RNF213: variants seen among roughly 807,000 people sequenced by gnomAD.
RNF213 encodes the protein ring finger protein 213, also known as E3 ubiquitin-protein ligase RNF213.
In RNF213, 341 loss-of-function variants were observed where a neutral mutation model predicts 514.4. The ratio of observed to expected loss-of-function variants is 0.66; its 90% CI spans 0.61 to 0.73. RNF213 has a LOEUF of 0.73. Ranked by LOEUF, RNF213 falls within the 30% of genes least tolerant of loss-of-function variation. The pLI is 0.00. For missense variants in RNF213, 5,767 were observed against 6,615.6 expected, an observed-to-expected ratio of 0.87 and a Z score of 4.45; for synonymous variants, 2,655 against 2,658.2, an observed-to-expected ratio of 1.00 and a Z score of 0.04.
At position 80,350,304 on chromosome 17, in the gene RNF213, C is replaced by T; in HGVS notation, c.10092C>T (p.Asn3364=). 6.3e-7 allele frequency: 1 copy of T among 1,589,862 alleles called. No homozygotes were observed. The highest frequency in any genetic ancestry group is 8.6e-7 in the Non-Finnish European group (1 of 1,157,962). The change falls in exon 31 of 68, where the codon AAC becomes AAT. Residue 3364 remains asparagine (N), a synonymous_variant. Coordinates refer to ENST00000582970, the MANE Select transcript of RNF213 (RefSeq NM_001256071.3). ...AATAACTTCCCTTTTCTTTCAGAAA[C>T]TGTTTAACGAATACAGCCAAATGTA... is the stretch of plus-strand genomic sequence containing the variant. The part of the protein sequence containing the change: ...TEYSFLKEVR[N]CLTNTAKCKI...
chr17:80,270,334 C>A (rs2043778311), intron 2 of RNF213, among the ~76,000 whole-genome samples: 1 of 152,230 alleles, frequency 6.6e-6, no homozygotes, highest in Non-Finnish European at 1.5e-5. Flanking sequence ...GCACGGAGAC[C>A]TTGCCCTCTG....
At chr17:80,323,152 C>T (rs1383167075) in intron 17 of RNF213, among the ~76,000 whole-genome samples, 1 of 152,100 alleles carries the variant, frequency 6.6e-6, no homozygotes. Context: ...CTCTACATTC[C>T]CTGTTGAGTG....
intron 3 of RNF213, among the ~76,000 whole-genome samples, chr17:80,285,024 G>A (rs534246369): frequency 6.0e-4 from 92 of 152,314 alleles, no homozygotes; most frequent in African/African-American, 2.1e-3. Flanking sequence ...CGATAACAGG[G>A]AGAGCCAAGG....
chr17:80,275,194 G>A (rs1016512732), intron 3 of RNF213, among the ~76,000 whole-genome samples: 2 of 151,140 alleles, frequency 1.3e-5, no homozygotes. Context: ...GTTGGGGTGT[G>A]TGGGAGTGGG....
intron 21 of RNF213, among the ~76,000 whole-genome samples, chr17:80,333,481 G>T (rs1420819862): frequency 6.6e-6 from 1 of 151,534 alleles, no homozygotes; most frequent in Non-Finnish European, 1.5e-5. Context: ...ATCACCTGAG[G>T]TGAGGAGTTC....
chr17:80,389,352 G>C lies in RNF213; in HGVS notation c.15180G>C (p.Thr5060=), dbSNP rs147617069. ...TQDILQMGDQ[T]IHVLKALNRC... Reference sequence around the variant, plus strand: ...ACATCCTGCAAATGGGTGATCAGACGATTCACGTGTTAAAGGTGGGTCTCA... The same window carrying C: ...ACATCCTGCAAATGGGTGATCAGACCATTCACGTGTTAAAGGTGGGTCTCA... The change falls in exon 65 of 68, where the codon ACG becomes ACC. Residue 5060 remains threonine (T), a synonymous_variant. Coordinates refer to ENST00000582970, the MANE Select transcript of RNF213 (RefSeq NM_001256071.3). The C allele has an allele frequency of 6.2e-7, 1 of 1,614,086 alleles. No homozygotes were observed. Among genetic ancestry groups the C allele is most frequent in the Non-Finnish European group, 8.5e-7 (1 of 1,179,984 alleles).
intron 2 of RNF213, among the ~76,000 whole-genome samples, chr17:80,269,744 C>T (rs2043755471): frequency 6.6e-6 from 1 of 151,938 alleles, no homozygotes. Context: ...ATCTATCCAT[C>T]CCATCTTATC....
At chr17:80,371,006 T>C (rs907747472) in intron 46 of RNF213, among the ~76,000 whole-genome samples, 8 of 112,086 alleles carry the variant, frequency 7.1e-5, no homozygotes, top group Admixed American at 1.6e-4. Flanking sequence ...TTAATGAATA[T>C]GGATTTTTTT....
At chr17:80,330,293 T>C (rs2143953689) in intron 20 of RNF213, among the ~76,000 whole-genome samples, 1 of 152,374 alleles carries the variant, frequency 6.6e-6, no homozygotes, top group Non-Finnish European at 1.5e-5. Flanking sequence ...TGTTTTGATT[T>C]TCCTCCTATG....
rs528667689 is a variant in RNF213, at chr17:80,353,981, G to A, written c.10579-38G>A. On this transcript the variant is annotated intron_variant, in intron 34 of 67. Coordinates refer to ENST00000582970, the MANE Select transcript of RNF213 (RefSeq NM_001256071.3). The surrounding 1 kb of genome is among the most constrained non-coding windows in gnomAD (Gnocchi z 5.0). ...GGTTTGGCTTTTGCCCACTGTGTCA[G>A]TGGCAGAAACGGATGACCCAACCGT... The A allele has an allele frequency of 1.9e-6, 3 of 1,613,140 alleles. No individual in the cohort carries two copies. The Admixed American group carries it at 5.0e-5, about 27-fold the overall frequency.
Position 80,327,973 on chromosome 17 carries a change from T to G in RNF213, c.3351T>G (p.Leu1117=). 1 of 1,537,278 alleles carries G rather than the reference T, an allele frequency of 6.5e-7. No individual in the cohort carries two copies. Among genetic ancestry groups the G allele is most frequent in the Non-Finnish European group, 8.7e-7 (1 of 1,146,908 alleles). The change falls in exon 19 of 68, where the codon CTT becomes CTG. Residue 1117 remains leucine (L), a synonymous_variant. Coordinates refer to ENST00000582970, the MANE Select transcript of RNF213 (RefSeq NM_001256071.3). ...ELIIKHKNQF[L]DIWQLREKSL... ...TTATAAAGCACAAGAATCAGTTTCT[T>G]GACATCTGGCAACTGAGTAAGCATC...
intron 15 of RNF213, among the ~76,000 whole-genome samples, chr17:80,313,714 AGGTGGT>A (rs1380146397): frequency 1.4e-4 from 6 of 42,956 alleles, no homozygotes; most frequent in African/African-American, 3.4e-4. Flanking sequence ...GTGGTGATGG[AGGTGGT>A]GGTGGTGGAG....
Position 80,298,362 on chromosome 17 carries a change from A to G in RNF213, c.2054A>G (p.Asp685Gly). 6.2e-7 allele frequency: 1 copy of G among 1,614,070 alleles called. No individual in the cohort carries two copies. Among genetic ancestry groups the G allele is most frequent in the Non-Finnish European group, 8.5e-7 (1 of 1,180,016 alleles). ...GTGAACCTGTGCCAAAGATGCATGG[A>G]CACAAGGACGTACACCTGGCTGGGC... is the stretch of plus-strand genomic sequence containing the variant. ...YLVNLCQRCM[D>G]TRTYTWLGAL... Residue 685 changes from aspartate to glycine, a missense_variant, in exon 11 of 68, where the codon GAC (aspartate) becomes GGC (glycine). This residue lies in a region of RNF213 where 592 missense variants were observed against 673.9 expected (regional missense o/e 0.88). Coordinates refer to ENST00000582970, the MANE Select transcript of RNF213 (RefSeq NM_001256071.3).
Position 80,342,989 on chromosome 17 carries a change from G to A in RNF213, c.5990-143G>A, listed in dbSNP as rs1388561909. ...CCTGGCTAATTTTTTTGTATTTTTA[G>A]TAGGGACGGGATTTCACCACGTTGA... On this transcript the variant is annotated intron_variant, in intron 26 of 67. Transcript: ENST00000582970. 3 of 659,896 alleles carry A rather than the reference G, an allele frequency of 4.5e-6. No homozygotes were observed. The African/African-American group carries it at 5.5e-5, about 12-fold the overall frequency. 40.9% of individuals were successfully genotyped at this position (659,896 alleles called of 1,614,324 possible).
chr17:80,365,001 C>G (rs527959834), intron 42 of RNF213: 2 of 246,118 alleles, frequency 8.1e-6, no homozygotes, highest in South Asian at 4.8e-5. Flanking sequence ...AACCAAGGAA[C>G]AGGAAGCCAC....
intron 11 of RNF213, among the ~76,000 whole-genome samples, chr17:80,305,538 G>C (rs544174730): frequency 6.6e-6 from 1 of 151,912 alleles, no homozygotes; most frequent in South Asian, 2.1e-4. Flanking sequence ...CCCCATAGGA[G>C]CATGCCCAGA....
chr17:80,336,116 A>G (rs1599048321), intron 22 of RNF213, 45 bp from the exon 23 acceptor site: 9 of 1,456,042 alleles, frequency 6.2e-6, no homozygotes, highest in Non-Finnish European at 8.4e-6. Context: ...GTCTTGTGCT[A>G]TCGTGGAATA....
Position 80,379,631 on chromosome 17 carries a change from G to A in RNF213, c.13557G>A (p.Pro4519=), listed in dbSNP as rs766162624. 4.7e-5 allele frequency: 76 copies of A among 1,614,056 alleles called. No homozygotes were observed. The highest frequency in any genetic ancestry group is 4.6e-4 in the South Asian group (42 of 91,078). ...TGTCTTCACCCTAGTGTGGCAGGCCGATGGAACAGAGCATCTGCATTGACT... is the reference window on the plus strand; with the variant it reads ...TGTCTTCACCCTAGTGTGGCAGGCCAATGGAACAGAGCATCTGCATTGACT... ...HPCSVGECGR[P]MEQSICIDCH... is the part of the protein sequence containing the mutation. The change falls in exon 55 of 68, where the codon CCG becomes CCA. Residue 4519 remains proline, a synonymous_variant. Transcript: ENST00000582970.
intron 3 of RNF213, among the ~76,000 whole-genome samples, chr17:80,274,822 C>G (rs566626822): frequency 3.1e-4 from 2 of 6,484 alleles, no homozygotes; most frequent in Non-Finnish European, 5.3e-4. Context: ...AGGGGGGTGT[C>G]TGTGGGGGGT....
Sources: gnomAD v4.1 joint callset for allele counts (sites outside exome capture counted in the v4.1 genomes callset) on GRCh38, gnomAD v4.1.1 for gene constraint, gnomAD v4.1.1 regional missense constraint, Gnocchi (gnomAD v3.1) non-coding constraint, MANE v1.5 for transcripts, NCBI Gene and HGNC (gene_info 2026-07-23, HGNC 2026-07-21) for gene names.